The following TCF4 variants were observed in gnomAD, a reference collection of about 807,000 sequenced individuals.
The protein encoded by TCF4 is SL3-3 enhancer factor 2.
A neutral mutation model predicts 82.1 loss-of-function variants in TCF4; 3 were observed. The ratio of observed to expected loss-of-function variants is 0.04; its 90% CI spans 0.02 to 0.09. The LOEUF (loss-of-function observed/expected upper bound fraction) is 0.09. Among genes scored for constraint, TCF4 ranks in the 10% least tolerant of loss-of-function variants. The pLI is 1.00. For missense variants in TCF4, 518 were observed against 852.7 expected (o/e 0.61, Z 4.89); for synonymous variants, 276 against 309.6 (o/e 0.89, Z 1.14).
chr18:55,409,631 C>T (rs771690607), intron 5 of TCF4, among the ~76,000 whole-genome samples: 8 of 152,096 alleles, frequency 5.3e-5, no homozygotes, highest in African/African-American at 9.7e-5. Flanking sequence ...TACAACTTAA[C>T]ACTAAGAATA....
chr18:55,589,420 C>G (rs2097679089), upstream of TCF4: 1 of 1,055,792 alleles, frequency 9.5e-7, no homozygotes, highest in African/African-American at 1.7e-5. Flanking sequence ...TTAACTGGTA[C>G]TCAGTCCTGC....
intron 6 of TCF4, among the ~76,000 whole-genome samples, chr18:55,362,421 G>A (rs1450464770): frequency 2.2e-5 from 3 of 137,532 alleles, no homozygotes; most frequent in Non-Finnish European, 3.2e-5. Flanking sequence ...AAGGAAGGAA[G>A]GAAGGAAGGA....
In TCF4 at chr18:55,631,355, T is replaced by C. The variant is rs928839542; in HGVS notation, c.229A>G (p.Ile77Val). 5 of 1,548,548 alleles carry C rather than the reference T, an allele frequency of 3.2e-6. No homozygotes were observed. In the Admixed American group the frequency reaches 7.9e-5, roughly 24 times the overall value. ...TGAGCCACCATGCCCGTCCAAGAGA[T>C]AATGTTCTTAGATTGGTGTTTACAA... The change falls in exon 2 of 21, where the codon ATC (isoleucine) becomes GTC (valine). Residue 77 changes from isoleucine to valine, a missense_variant. Coordinates refer to the TCF4 transcript ENST00000398339.
chr18:55,275,810 T>G (rs991268468), intron 9 of TCF4, 58 bp from the exon 10 acceptor site: 1 of 1,610,732 alleles, frequency 6.2e-7, no homozygotes, highest in African/African-American at 1.3e-5. Context: ...CCTTATAGAA[T>G]AGGGTTTTTT....
intron 5 of TCF4, among the ~76,000 whole-genome samples, chr18:55,433,212 A>C (rs1194139596): frequency 1.3e-5 from 2 of 152,206 alleles, no homozygotes; most frequent in African/African-American, 4.8e-5. Flanking sequence ...AAAACATACC[A>C]GTGACCAAGA....
At chr18:55,570,441 A>G (rs1191336966) in intron 3 of TCF4, among the ~76,000 whole-genome samples, 2 of 152,208 alleles carry the variant, frequency 1.3e-5, no homozygotes, top group Non-Finnish European at 2.9e-5. Context: ...ATCCAAAAAT[A>G]TATCAAGAAC....
chr18:55,549,818 T>C lies in TCF4; in HGVS notation c.145+35462A>G, dbSNP rs147964101. ...ATTTTTCAGCTCCATTATAGTCTTATGGGACCAAAGTGGTACATGCAGTCC... is the reference window on the plus strand; with the variant it reads ...ATTTTTCAGCTCCATTATAGTCTTACGGGACCAAAGTGGTACATGCAGTCC... On this transcript the variant is annotated intron_variant, in intron 3 of 19. Coordinates refer to ENST00000354452, the MANE Select transcript of TCF4 (RefSeq NM_001083962.2). Among the ~76,000 whole-genome samples, 195 of 152,298 alleles carry C rather than the reference T, an allele frequency of 1.3e-3. 2 individuals carry two copies. Among genetic ancestry groups the C allele is most frequent in the African/African-American group, 4.4e-3 (184 of 41,572 alleles).
At chr18:55,379,500 T>A (rs573614615) in intron 6 of TCF4, among the ~76,000 whole-genome samples, 2 of 152,130 alleles carry the variant, frequency 1.3e-5, no homozygotes, top group Non-Finnish European at 1.5e-5. Flanking sequence ...AGAGGAAGCC[T>A]CCACATCAGA....
intron 8 of TCF4, among the ~76,000 whole-genome samples, chr18:55,343,073 A>G (rs1400425947): frequency 6.6e-6 from 1 of 152,082 alleles, no homozygotes; most frequent in Non-Finnish European, 1.5e-5. Context: ...CCAAAGTAGC[A>G]TTTTCCTAAA....
At chr18:55,280,510 GT>G in intron 8 of TCF4, among the ~76,000 whole-genome samples, 1 of 152,018 alleles carries the variant, frequency 6.6e-6, no homozygotes, top group Non-Finnish European at 1.5e-5. Flanking sequence ...ACTTTAATTG[GT>G]TTTCCCCCTT....
chr18:55,448,625 T>C (rs1056314090), intron 5 of TCF4, among the ~76,000 whole-genome samples: 2 of 152,230 alleles, frequency 1.3e-5, no homozygotes, highest in African/African-American at 2.4e-5. Flanking sequence ...CATCTATCTG[T>C]GGACAATATC....
intron 5 of TCF4, among the ~76,000 whole-genome samples, chr18:55,425,736 T>C (rs2094952142): frequency 6.6e-6 from 1 of 152,196 alleles, no homozygotes. Flanking sequence ...CTATTCTAGC[T>C]CAAGATCAAA....
intron 8 of TCF4, among the ~76,000 whole-genome samples, chr18:55,349,658 T>C (rs1327040683): frequency 6.6e-6 from 1 of 151,796 alleles, no homozygotes. Context: ...TAAATAAAAT[T>C]AAATACAATT....
chr18:55,257,256 G>C, intron 14 of TCF4, 59 bp downstream of exon 14: 4 of 1,542,972 alleles, frequency 2.6e-6, no homozygotes, highest in Non-Finnish European at 3.6e-6. Flanking sequence ...AAAGGAGACT[G>C]AACAAGAAAG....
intron 3 of TCF4, among the ~76,000 whole-genome samples, chr18:55,524,111 G>A (rs1157931739): frequency 1.3e-5 from 2 of 151,982 alleles, no homozygotes; most frequent in African/African-American, 4.8e-5. Flanking sequence ...AGTGTGAATA[G>A]ACCTAAATGA....
chr18:55,258,826 G>A (rs1183959540), intron 13 of TCF4, among the ~76,000 whole-genome samples: 8 of 152,094 alleles, frequency 5.3e-5, no homozygotes, highest in African/African-American at 7.2e-5. Flanking sequence ...TACAGAACCC[G>A]AGGAGTACAA....
chr18:55,239,201 C>A (rs1344972038), intron 15 of TCF4, among the ~76,000 whole-genome samples: 1 of 152,168 alleles, frequency 6.6e-6, no homozygotes, highest in Non-Finnish European at 1.5e-5. Flanking sequence ...TTTTAAATAA[C>A]CTTAGTTTCC....
chr18:55,510,180 G>A (rs2096810346), intron 3 of TCF4, among the ~76,000 whole-genome samples: 1 of 152,030 alleles, frequency 6.6e-6, no homozygotes, highest in South Asian at 2.1e-4. Context: ...AAGGTTAAAG[G>A]TGCACATTCA....
At chr18:55,545,420 T>C (rs1414997302) in intron 3 of TCF4, among the ~76,000 whole-genome samples, 1 of 152,128 alleles carries the variant, frequency 6.6e-6, no homozygotes, top group Non-Finnish European at 1.5e-5. Context: ...TTGGTTGTTA[T>C]TGTTTGGTCT....
Sources: gnomAD v4.1 joint callset for allele counts (sites outside exome capture counted in the v4.1 genomes callset) on GRCh38, gnomAD v4.1.1 for gene constraint, MANE v1.5 for transcripts, NCBI Gene and HGNC (gene_info 2026-07-23, HGNC 2026-07-21) for gene names.